Variants in AGAP1 observed in about 807,000 individuals in gnomAD.
AGAP1 encodes ArfGAP with GTPase domain, ankyrin repeat and PH domain 1.
AGAP1 carries 29 observed loss-of-function variants against 105.3 expected under a neutral mutation model. The observed-to-expected ratio is 0.28, with a 90% CI of 0.21 to 0.38. The LOEUF (loss-of-function observed/expected upper bound fraction) is 0.38, where lower values mean the gene tolerates loss of function less well. AGAP1 is among the 10% of genes least tolerant of loss of function. AGAP1 has a pLI of 1.00. For synonymous variants in AGAP1, 509 were observed against 485.9 expected (o/e 1.05, Z -0.63); for missense variants, 998 against 1,165.1 (o/e 0.86, Z 2.09).
Position 235,994,419 on chromosome 2 carries a change from CT to C in AGAP1, c.1645+25799del, listed in dbSNP as rs778717376. Among the ~76,000 whole-genome samples, 21 of 152,170 alleles carry C rather than the reference CT, an allele frequency of 1.4e-4. No individual in the cohort carries two copies. Among genetic ancestry groups the C allele is most frequent in the Non-Finnish European group, 1.2e-4 (8 of 68,032 alleles). ...AAATTCATTTCTTCTCACGTAACAA[CT>C]TTCTTAGTGCTTGTACTTGTGTGCC... is the stretch of plus-strand genomic sequence containing the variant. On this transcript the variant is annotated intron_variant, in intron 13 of 17. Transcript: ENST00000304032. The surrounding 1 kb of genome is among the most constrained non-coding windows in gnomAD (Gnocchi z 4.4).
chr2:235,915,028 G>A (rs760738581), intron 11 of AGAP1, among the ~76,000 whole-genome samples: 17 of 152,140 alleles, frequency 1.1e-4, no homozygotes, highest in South Asian at 2.1e-4. Context: ...AGCCCTGACC[G>A]TAGGTGGTAT....
chr2:235,534,228 T>C (rs1943136295), intron 1 of AGAP1, among the ~76,000 whole-genome samples: 1 of 152,112 alleles, frequency 6.6e-6, no homozygotes, highest in Non-Finnish European at 1.5e-5. Context: ...CTTTGCCAAA[T>C]GGGACCGATA....
chr2:235,671,829 G>C (rs1188683527), intron 1 of AGAP1, among the ~76,000 whole-genome samples: 3 of 152,212 alleles, frequency 2.0e-5, no homozygotes, highest in Non-Finnish European at 2.9e-5. Flanking sequence ...TCTCCAGCCA[G>C]ATATGTTATT....
At chr2:236,021,144 C>T (rs553406937) in intron 13 of AGAP1, among the ~76,000 whole-genome samples, 24 of 140,474 alleles carry the variant, frequency 1.7e-4, no homozygotes, top group South Asian at 6.7e-4. Context: ...CCAACCTGGG[C>T]GACAGAGCAA....
At chr2:235,946,860 A>AC (rs1379728573) in intron 12 of AGAP1, among the ~76,000 whole-genome samples, 1 of 151,842 alleles carries the variant, frequency 6.6e-6, no homozygotes, top group African/African-American at 2.4e-5. Context: ...GTGCCTGGGA[A>AC]CCCCTCCCCA....
chr2:236,077,465 C>T lies in AGAP1; in HGVS notation c.2114+28184C>T, dbSNP rs368529446. 4.6e-5 allele frequency among the ~76,000 whole-genome samples: 7 copies of T among 151,782 alleles called. No homozygotes were observed. The East Asian group carries it at 5.9e-4, about 13-fold the overall frequency. On this transcript the variant is annotated intron_variant, in intron 16 of 17. Coordinates refer to ENST00000304032, the MANE Select transcript of AGAP1 (RefSeq NM_001037131.3). ...TCCCGAGTAGCTGGGATTACAGGTGCGTGCCACCACGGCCAGCTAATTTTT... is the reference window on the plus strand; with the variant it reads ...TCCCGAGTAGCTGGGATTACAGGTGTGTGCCACCACGGCCAGCTAATTTTT...
At chr2:235,702,396 C>G (rs1228851719) in intron 1 of AGAP1, among the ~76,000 whole-genome samples, 1 of 152,190 alleles carries the variant, frequency 6.6e-6, no homozygotes, top group African/African-American at 2.4e-5. Context: ...GGAGGCACCG[C>G]TGGACAGGAG....
chr2:236,048,912 G>A (rs1229503833), intron 15 of AGAP1, 147 bp from the exon 16 acceptor site: 2 of 694,036 alleles, frequency 2.9e-6, no homozygotes, highest in Non-Finnish European at 2.4e-6. Flanking sequence ...ACAGGACTGA[G>A]CACTGGCTAG....
chr2:235,722,084 T>C (rs922319403), intron 3 of AGAP1, among the ~76,000 whole-genome samples: 2 of 152,228 alleles, frequency 1.3e-5, no homozygotes, highest in Non-Finnish European at 2.9e-5. Flanking sequence ...CATAGAGAGC[T>C]TGTGATTTCA....
intron 13 of AGAP1, among the ~76,000 whole-genome samples, chr2:235,997,726 T>TC (rs1217101747): frequency 6.6e-6 from 1 of 151,862 alleles, no homozygotes; most frequent in Non-Finnish European, 1.5e-5. Context: ...AATAAAAACT[T>TC]TTTTTTTTCC....
intron 1 of AGAP1, among the ~76,000 whole-genome samples, chr2:235,666,175 T>G (rs1269308620): frequency 6.6e-6 from 1 of 151,930 alleles, no homozygotes; most frequent in Non-Finnish European, 1.5e-5. Context: ...CGGCTGCTGT[T>G]TGGTTTTGAG....
Position 236,014,153 on chromosome 2 carries a change from T to C in AGAP1, c.1646-22408T>C, listed in dbSNP as rs896622268. Among the ~76,000 whole-genome samples, 3 of 152,170 alleles carry C rather than the reference T, an allele frequency of 2.0e-5. No individual in the cohort carries two copies. Among genetic ancestry groups the C allele is most frequent in the African/African-American group, 7.2e-5 (3 of 41,436 alleles). On this transcript the variant is annotated intron_variant, in intron 13 of 17. Transcript: ENST00000304032. The surrounding 1 kb of genome is among the most constrained non-coding windows in gnomAD (Gnocchi z 6.3). ...TCTCCTGAGAACCTGAGGTGGCATT[T>C]GCTCTTCTGGTTCCTAGGAGCTCCA...
Position 236,125,899 on chromosome 2 carries a change from A to C in AGAP1, c.*1777A>C, listed in dbSNP as rs1286964763. 6.6e-6 allele frequency: 1 copy of C among 152,176 alleles called. No individual in the cohort carries two copies. Among genetic ancestry groups the C allele is most frequent in the South Asian group, 2.1e-4 (1 of 4,826 alleles). The allele number at this position is 152,176 out of a possible 1,614,324, so 9.4% of individuals were successfully genotyped here. ...GTGATGGGGGGAGAAGGGTTGTCAC[A>C]ATGGAAGATGAGGACACTAGACTCA... On this transcript the variant is annotated 3_prime_UTR_variant, in exon 18 of 18. Coordinates refer to ENST00000304032, the MANE Select transcript of AGAP1 (RefSeq NM_001037131.3). This position sits in a 1 kb window ranked among gnomAD's most constrained non-coding sequence, Gnocchi z 5.2.
chr2:235,680,552 G>GGGAGGCACCGAGAGCA (rs1410559459), intron 1 of AGAP1, among the ~76,000 whole-genome samples: 1 of 152,120 alleles, frequency 6.6e-6, no homozygotes, highest in Admixed American at 6.5e-5. Context: ...AAGCCATGTG[G>GGGAGGCACCGAGAGCA]GGAGGCACCG....
chr2:235,603,257 A>AC (rs1263436799), intron 1 of AGAP1, among the ~76,000 whole-genome samples: 3 of 152,064 alleles, frequency 2.0e-5, no homozygotes, highest in Admixed American at 2.0e-4. Flanking sequence ...TGTGCCTTTC[A>AC]CCTTCTGCCA....
chr2:236,036,509 G>A lies in AGAP1; in HGVS notation c.1646-52G>A. The stretch of plus-strand genomic sequence containing the variant: ...CTTCTGTGACAGAGGGCCCGCAGGG[G>A]GACTGCTGTCTCATAAAAGCTAAAC... On this transcript the variant is annotated intron_variant, in intron 13 of 17. Coordinates refer to ENST00000304032, the MANE Select transcript of AGAP1 (RefSeq NM_001037131.3). The surrounding 1 kb of genome is among the most constrained non-coding windows in gnomAD (Gnocchi z 5.7). The A allele has an allele frequency of 1.3e-6, 2 of 1,596,520 alleles. No individual in the cohort carries two copies. Among genetic ancestry groups the A allele is most frequent in the African/African-American group, 1.3e-5 (1 of 74,648 alleles).
At chr2:235,925,068 A>T (rs190216411) in intron 11 of AGAP1, among the ~76,000 whole-genome samples, 6 of 152,286 alleles carry the variant, frequency 3.9e-5, no homozygotes, top group Admixed American at 1.3e-4. Context: ...AAGAATGGAG[A>T]GTACTCACCC....
At chr2:235,651,000 T>C (rs1330185715) in intron 1 of AGAP1, among the ~76,000 whole-genome samples, 1 of 151,532 alleles carries the variant, frequency 6.6e-6, no homozygotes, top group Non-Finnish European at 1.5e-5. Flanking sequence ...GACAACATGG[T>C]GAAACCCGGT....
intron 1 of AGAP1, among the ~76,000 whole-genome samples, chr2:235,504,250 C>T (rs1292928226): frequency 6.6e-6 from 1 of 152,154 alleles, no homozygotes; most frequent in Non-Finnish European, 1.5e-5. Flanking sequence ...GTTCAGTGGC[C>T]AGCACAGACT....
Sources: allele counts gnomAD v4.1 joint callset (sites outside exome capture counted in the v4.1 genomes callset), GRCh38; gene constraint gnomAD v4.1.1; non-coding constraint Gnocchi (gnomAD v3.1); transcripts MANE v1.5; gene names NCBI Gene and HGNC (gene_info 2026-07-23, HGNC 2026-07-21).